The following R3HDM1 variants were observed in gnomAD, a reference collection of about 807,000 sequenced individuals.
R3HDM1 encodes the protein R3H domain containing 1.
Under a neutral mutation model 141.1 loss-of-function variants are expected in R3HDM1, and 46 were observed. The observed-to-expected ratio is 0.33, with a 90% CI of 0.26 to 0.42. The LOEUF (loss-of-function observed/expected upper bound fraction) is 0.42, where lower values mean the gene tolerates loss of function less well. Among genes scored for constraint, R3HDM1 ranks in the 10% least tolerant of loss-of-function variants. The pLI, the probability that R3HDM1 is intolerant of heterozygous loss-of-function variation, is 1.00. For synonymous variants in R3HDM1, 435 were observed against 472.9 expected, an observed-to-expected ratio of 0.92 and a Z score of 1.04; for missense variants, 1,184 against 1,368.3, an observed-to-expected ratio of 0.87 and a Z score of 2.12.
At chr2:135,649,188 C>A (rs1449702384) in intron 16 of R3HDM1, 1 of 152,048 alleles carries the variant, frequency 6.6e-6, no homozygotes, top group African/African-American at 2.4e-5. Context: ...GTCTCAGCCT[C>A]CCGAGTAGCT....
intron 21 of R3HDM1, among the ~76,000 whole-genome samples, chr2:135,704,170 G>A (rs936408455): frequency 1.3e-5 from 2 of 151,928 alleles, no homozygotes; most frequent in Non-Finnish European, 2.9e-5. Flanking sequence ...TAGTAGAAAT[G>A]GGTTTCACCA....
chr2:135,658,963 G>A (rs1900306), intron 18 of R3HDM1, among the ~76,000 whole-genome samples: 27,481 of 151,794 alleles, frequency 0.18, 3,059 homozygotes, highest in East Asian at 0.44. Flanking sequence ...TAACACACGT[G>A]GAGCTGTCGT....
intron 1 of R3HDM1, chr2:135,559,112 G>GTTT: frequency 1.1e-6 from 1 of 899,504 alleles, no homozygotes; most frequent in Non-Finnish European, 1.3e-6. Flanking sequence ...TGTGTGTGTG[G>GTTT]TTTTGTTGTT....
chr2:135,683,289 C>T (rs983120020), intron 21 of R3HDM1, among the ~76,000 whole-genome samples: 2 of 152,104 alleles, frequency 1.3e-5, no homozygotes, highest in Non-Finnish European at 2.9e-5. Context: ...TGCAGTGGCT[C>T]ACGCCTGTAA....
chr2:135,659,071 G>GTGTGTGTGTGTGTA (rs1553607675), intron 18 of R3HDM1, among the ~76,000 whole-genome samples: 1,588 of 150,448 alleles, frequency 0.011, 18 homozygotes, highest in African/African-American at 0.024. Context: ...GTGTGTGTGT[G>GTGTGTGTGTGTGTA]TGTGTGTGTG....
intron 21 of R3HDM1, 43 bp from the exon 22 acceptor site, chr2:135,709,390 G>A: frequency 6.2e-7 from 1 of 1,610,908 alleles, no homozygotes. Context: ...AATGTTTATA[G>A]TCATCCTCCT....
intron 1 of R3HDM1, among the ~76,000 whole-genome samples, chr2:135,571,317 TTTA>T (rs1219701875): frequency 6.6e-6 from 1 of 152,020 alleles, no homozygotes; most frequent in African/African-American, 2.4e-5. Flanking sequence ...ATTATTTTTT[TTTA>T]ATTATTCATT....
intron 23 of R3HDM1, among the ~76,000 whole-genome samples, chr2:135,714,601 T>C (rs1261619898): frequency 2.6e-5 from 4 of 152,224 alleles, no homozygotes; most frequent in Non-Finnish European, 4.4e-5. Context: ...AATACTATTG[T>C]ATTGTTAATT....
chr2:135,660,256 G>C (rs1574807489), intron 18 of R3HDM1, among the ~76,000 whole-genome samples: 2 of 151,886 alleles, frequency 1.3e-5, no homozygotes, highest in African/African-American at 4.8e-5. Context: ...GGTTTTTTTT[G>C]GGGGGGATTT....
intron 21 of R3HDM1, among the ~76,000 whole-genome samples, chr2:135,685,961 C>A (rs1356829462): frequency 6.6e-6 from 1 of 151,740 alleles, no homozygotes; most frequent in African/African-American, 2.4e-5. Context: ...TATCTGATAT[C>A]CAAAATATTA....
intron 11 of R3HDM1, among the ~76,000 whole-genome samples, 190 bp downstream of exon 11, chr2:135,636,373 T>G (rs182804053): frequency 7.7e-4 from 117 of 152,268 alleles, no homozygotes; most frequent in Middle Eastern, 6.8e-3. Flanking sequence ...TACATTGCAG[T>G]AGTTATATAA....
At chr2:135,719,392 C>T (rs943827748) in intron 24 of R3HDM1, among the ~76,000 whole-genome samples, 14 of 151,166 alleles carry the variant, frequency 9.3e-5, no homozygotes, top group East Asian at 7.8e-4. Flanking sequence ...GCAAGAGAAT[C>T]GCTTGAACCT....
At chr2:135,553,887 G>A (rs958489370) in intron 1 of R3HDM1, among the ~76,000 whole-genome samples, 2 of 152,146 alleles carry the variant, frequency 1.3e-5, no homozygotes, top group Non-Finnish European at 2.9e-5. Context: ...ACAGGGTTTC[G>A]CCATGTTGGC....
chr2:135,589,878 T>C (rs1001391712), intron 1 of R3HDM1, among the ~76,000 whole-genome samples: 2 of 152,086 alleles, frequency 1.3e-5, no homozygotes, highest in Non-Finnish European at 2.9e-5. Flanking sequence ...TGTCATCTTA[T>C]AAATATGCAT....
intron 5 of R3HDM1, chr2:135,619,629 T>G: frequency 7.8e-4 from 361 of 464,412 alleles, no homozygotes; most frequent in Non-Finnish European, 9.5e-4. Flanking sequence ...TTCCAAGCCT[T>G]GAGATAAATA....
intron 7 of R3HDM1, among the ~76,000 whole-genome samples, chr2:135,624,992 G>T (rs2061864900): frequency 6.6e-6 from 1 of 152,178 alleles, no homozygotes; most frequent in Non-Finnish European, 1.5e-5. Context: ...GGAGGCTGAG[G>T]TGGGAAGATT....
rs937891200 is a variant in R3HDM1, at chr2:135,645,591, C to G, written c.1623+64C>G. ...GCCTTTACATATTTGGGACTAAATT[C>G]GCTAATTATAATTGAGATAGCCTAA... On this transcript the variant is annotated intron_variant, in intron 16 of 26. Coordinates refer to ENST00000683871, the MANE Select transcript of R3HDM1 (RefSeq NM_001378107.1). The G allele has an allele frequency of 7.8e-6, 12 of 1,533,620 alleles. No homozygotes were observed. In the South Asian group the frequency reaches 1.4e-4, roughly 18 times the overall value.
intron 21 of R3HDM1, among the ~76,000 whole-genome samples, chr2:135,704,558 C>A (rs1391838922): frequency 6.6e-6 from 1 of 151,228 alleles, no homozygotes; most frequent in Non-Finnish European, 1.5e-5. Flanking sequence ...GCAACCTCTG[C>A]CTCCCGGGTT....
At chr2:135,721,771 A>G in intron 24 of R3HDM1, 153 bp from the exon 25 acceptor site, 2 of 488,466 alleles carry the variant, frequency 4.1e-6, no homozygotes, top group Non-Finnish European at 7.6e-6. Flanking sequence ...TATTTTTATT[A>G]GAGATGGGGT....
Sources: allele counts gnomAD v4.1 joint callset (sites outside exome capture counted in the v4.1 genomes callset), GRCh38; gene constraint gnomAD v4.1.1; transcripts MANE v1.5; gene names NCBI Gene and HGNC (gene_info 2026-07-23, HGNC 2026-07-21).